Variants in NOC3L observed in about 807,000 individuals in gnomAD.
NOC3L encodes NOC3 like DNA replication regulator.
Under a neutral mutation model 102.5 loss-of-function variants are expected in NOC3L, and 85 were observed. That is an observed-to-expected ratio of 0.83 (90% CI 0.70 to 0.99). The LOEUF is 0.99. NOC3L is among the 50% of genes least tolerant of loss of function. NOC3L has a pLI of 0.00. For missense variants in NOC3L, 878 were observed against 914.9 expected, an observed-to-expected ratio of 0.96 and a Z score of 0.52; for synonymous variants, 303 against 309.4, an observed-to-expected ratio of 0.98 and a Z score of 0.22.
At chr10:94,317,327 CCTTAT>C in the NOC3L span, among the ~76,000 whole-genome samples, 103 of 152,184 alleles carry the variant, frequency 6.8e-4, no homozygotes, top group African/African-American at 2.4e-3. Flanking sequence ...TAAAAACATA[CCTTAT>C]AAGATAAAGG....
At chr10:94,327,920 T>TA in the NOC3L span, 1 of 514,128 alleles carries the variant, frequency 1.9e-6, no homozygotes, top group Non-Finnish European at 4.0e-6. Flanking sequence ...AGTGTTTCTG[T>TA]TTCTTCATTT....
chr10:94,326,023 A>C, the NOC3L span, among the ~76,000 whole-genome samples: 2 of 152,194 alleles, frequency 1.3e-5, no homozygotes, highest in African/African-American at 2.4e-5. Flanking sequence ...ATCTTAAAGC[A>C]AATTATTTAC....
chr10:94,346,443 T>C lies in NOC3L; in HGVS notation c.1371A>G (p.Leu457=), dbSNP rs764519782. Residue 457 remains leucine, a synonymous_variant, in exon 11 of 21, where the codon CTA becomes CTG. Transcript: ENST00000371361. ...FMTFKEKRKS[L]SRMQRKWKKA... ...GTCAAACCTTTCTCTGCATTCTTGA[T>C]AGAGATTTTCTCTTTTCTTTGAAAG... 1 of 1,506,708 alleles carries C rather than the reference T, an allele frequency of 6.6e-7. No homozygotes were observed. Among genetic ancestry groups the C allele is most frequent in the Non-Finnish European group, 8.9e-7 (1 of 1,126,886 alleles). The allele number at this position is 1,506,708 out of a possible 1,614,324, so 93.3% of individuals were successfully genotyped here.
intron 19 of NOC3L, among the ~76,000 whole-genome samples, chr10:94,335,099 A>G (rs1419952632): frequency 2.0e-5 from 3 of 152,160 alleles, no homozygotes; most frequent in Non-Finnish European, 2.9e-5. Flanking sequence ...ACACAGCTCA[A>G]CTCTTCAGCT....
At chr10:94,340,891 G>A (rs1439828781) in intron 14 of NOC3L, among the ~76,000 whole-genome samples, 1 of 150,734 alleles carries the variant, frequency 6.6e-6, no homozygotes, top group African/African-American at 2.4e-5. Context: ...TGAGGCAGGA[G>A]AATGGTGTGA....
intron 17 of NOC3L, 144 bp downstream of exon 17, chr10:94,339,595 A>T: frequency 1.5e-6 from 1 of 686,508 alleles, no homozygotes; most frequent in Non-Finnish European, 2.3e-6. Flanking sequence ...AATTTTATAT[A>T]CCTCTTTTGT....
chr10:94,359,191 G>A (rs1363426121), intron 2 of NOC3L, among the ~76,000 whole-genome samples: 2 of 152,080 alleles, frequency 1.3e-5, no homozygotes, highest in East Asian at 1.9e-4. Flanking sequence ...TTGGGAGGCC[G>A]AGACGGGTGG....
In NOC3L at chr10:94,352,203, TCCTGACCATA is replaced by T. The variant is rs1356893483; in HGVS notation, c.952+97_952+106del. On this transcript the variant is annotated intron_variant, in intron 8 of 20. Coordinates refer to ENST00000371361, the MANE Select transcript of NOC3L (RefSeq NM_022451.11). The stretch of plus-strand genomic sequence containing the variant: ...CTGGAAGTCTGACTCTAGATTCTGT[TCCTGACCATA>T]CCTGCCTCTCACTACACAACACAGA... 7.3e-6 allele frequency: 5 copies of T among 686,012 alleles called. No individual in the cohort carries two copies. In the African/African-American group the frequency reaches 7.4e-5, roughly 10 times the overall value. 42.5% of individuals were successfully genotyped at this position (686,012 alleles called of 1,614,324 possible).
In NOC3L at chr10:94,333,658, A is replaced by T. The variant is rs1161326075; in HGVS notation, c.*519T>A. On this transcript the variant is annotated 3_prime_UTR_variant, in exon 21 of 21. Transcript: ENST00000371361. ...CATCCAGCAAAAGCCAATGAACCTG[A>T]ATACAAGCTATTTTTTTCTTTTCTC... The T allele has an allele frequency of 1.3e-5, 2 of 152,204 alleles. No homozygotes were observed. The highest frequency in any genetic ancestry group is 4.8e-5 in the African/African-American group (2 of 41,462). The allele number at this position is 152,204 out of a possible 1,614,324, so 9.4% of individuals were successfully genotyped here. A position where few individuals can be genotyped will look rare whatever the true frequency, so the allele number is the denominator to read the frequency against.
In NOC3L at chr10:94,334,138, C is replaced by T. The variant is rs1473952195; in HGVS notation, c.*39G>A. ...ACTCATCTTTATGTACATCTGCACA[C>T]ACAAATATACAAGAAAGTCCACTGA... On this transcript the variant is annotated 3_prime_UTR_variant, in exon 21 of 21. Transcript: ENST00000371361. 2 of 925,312 alleles carry T rather than the reference C, an allele frequency of 2.2e-6. No individual in the cohort carries two copies. Among genetic ancestry groups the T allele is most frequent in the East Asian group, 2.4e-5 (1 of 41,392 alleles). 57.3% of individuals were successfully genotyped at this position (925,312 alleles called of 1,614,324 possible).
chr10:94,352,447 T>A, intron 7 of NOC3L, 44 bp from the exon 8 acceptor site: 2 of 1,303,062 alleles, frequency 1.5e-6, no homozygotes, highest in African/African-American at 1.5e-5. Flanking sequence ...AATCAGAACA[T>A]TAAAAGCCCA....
chr10:94,357,322 A>G lies in NOC3L; in HGVS notation c.360T>C (p.Val120=). ...LTRDLSSSEP[V]HAKKRKHERI... is the part of the protein sequence containing the mutation. ...GTTCATGCTTCCGTTTCTTCGCATG[A>G]ACAGGCTCACTGCAGGGGAAAAAAA... The change falls in exon 4 of 21, where the codon GTT becomes GTC. Residue 120 remains valine, a synonymous_variant. Transcript: ENST00000371361. The G allele has an allele frequency of 6.3e-7, 1 of 1,595,846 alleles. No homozygotes were observed. Among genetic ancestry groups the G allele is most frequent in the Non-Finnish European group, 8.5e-7 (1 of 1,171,894 alleles).
chr10:94,357,513 G>A (rs1208299457), intron 3 of NOC3L, 182 bp from the exon 4 acceptor site: 2 of 403,516 alleles, frequency 5.0e-6, no homozygotes, highest in East Asian at 3.7e-5. Context: ...AAAAGAAATG[G>A]GTAAACAACC....
intron 13 of NOC3L, among the ~76,000 whole-genome samples, chr10:94,344,004 C>T (rs922090793): frequency 2.0e-5 from 3 of 152,154 alleles, no homozygotes; most frequent in African/African-American, 4.8e-5. Flanking sequence ...TGAGTGAATA[C>T]ACCAAAAGAT....
chr10:94,334,101 C>T lies in NOC3L; in HGVS notation c.*76G>A. On this transcript the variant is annotated 3_prime_UTR_variant, in exon 21 of 21. Transcript: ENST00000371361. ...CTTTCCTTGTATAAAAAGAAAAGAT[C>T]CTAAGTTAACAACTCATCTTTATGT... 1 of 697,474 alleles carries T rather than the reference C, an allele frequency of 1.4e-6. No individual in the cohort carries two copies. Among genetic ancestry groups the T allele is most frequent in the Admixed American group, 2.5e-5 (1 of 40,408 alleles). 43.2% of individuals were successfully genotyped at this position (697,474 alleles called of 1,614,324 possible).
chr10:94,349,422 A>AG (rs776967266), intron 9 of NOC3L, 44 bp from the exon 10 acceptor site: 4 of 1,534,316 alleles, frequency 2.6e-6, no homozygotes, highest in Non-Finnish European at 8.7e-7. Context: ...TCTCAACCTT[A>AG]GCACTACTGA....
chr10:94,340,258 T>A lies in NOC3L; in HGVS notation c.1780+18A>T. 1 of 1,574,738 alleles carries A rather than the reference T, an allele frequency of 6.4e-7. No individual in the cohort carries two copies. The highest frequency in any genetic ancestry group is 8.7e-7 in the Non-Finnish European group (1 of 1,150,586). On this transcript the variant is annotated intron_variant, in intron 16 of 20. Transcript: ENST00000371361. ...AACATAAATACATATAAAAGAAACA[T>A]TATCTAAACATACATACCTGCATGT... is the stretch of plus-strand genomic sequence containing the variant.
chr10:94,315,937 A>G, the NOC3L span, among the ~76,000 whole-genome samples: 5 of 152,104 alleles, frequency 3.3e-5, no homozygotes, highest in East Asian at 5.8e-4. Context: ...ATCTTACCCA[A>G]TAATTCGTAG....
intron 19 of NOC3L, among the ~76,000 whole-genome samples, chr10:94,336,104 A>C (rs11187882): frequency 0.066 from 10,101 of 152,164 alleles, 467 homozygotes; most frequent in East Asian, 0.2. Context: ...TTCACACACA[A>C]AAAAAATTTG....
Sources: allele counts gnomAD v4.1 joint callset (sites outside exome capture counted in the v4.1 genomes callset), GRCh38; gene constraint gnomAD v4.1.1; transcripts MANE v1.5; gene names NCBI Gene and HGNC (gene_info 2026-07-23, HGNC 2026-07-21).